Variants in DLGAP2 observed in about 807,000 individuals in gnomAD.
DLGAP2 encodes the protein disks large-associated protein 2.
Under a neutral mutation model 100.3 loss-of-function variants are expected in DLGAP2, and 26 were observed. The ratio of observed to expected loss-of-function variants is 0.26; its 90% CI spans 0.19 to 0.36. DLGAP2 has a LOEUF of 0.36. Ranked by LOEUF, DLGAP2 falls within the 10% of genes least tolerant of loss-of-function variation. The probability of loss-of-function intolerance (pLI) is 1.00; values close to 1 mark genes in which losing one functional copy is unlikely to be tolerated. For missense variants in DLGAP2, 1,858 were observed against 1,453.2 expected (o/e 1.28, Z -4.53); for synonymous variants, 886 against 630.1 (o/e 1.41, Z -6.08).
At chr8:872,861 A>G (rs1585957970) in intron 1 of DLGAP2, among the ~76,000 whole-genome samples, 2 of 152,110 alleles carry the variant, frequency 1.3e-5, no homozygotes, top group South Asian at 2.1e-4. Context: ...TCAGTCCTCA[A>G]TATCCAGGGT....
At chr8:1,483,369 T>C (rs1799150684) in intron 3 of DLGAP2, among the ~76,000 whole-genome samples, 1 of 151,702 alleles carries the variant, frequency 6.6e-6, no homozygotes, top group Non-Finnish European at 1.5e-5. Context: ...GTTTCCAGAG[T>C]CTCCAGGCGC....
intron 2 of DLGAP2, among the ~76,000 whole-genome samples, chr8:1,190,984 G>A (rs1041419054): frequency 6.6e-6 from 1 of 152,136 alleles, no homozygotes; most frequent in Non-Finnish European, 1.5e-5. Flanking sequence ...GTGAGGCTTG[G>A]ACCAATTCCT....
intron 2 of DLGAP2, among the ~76,000 whole-genome samples, chr8:1,127,741 A>G (rs1027607842): frequency 2.0e-5 from 3 of 152,156 alleles, no homozygotes; most frequent in Non-Finnish European, 1.5e-5. Flanking sequence ...AGAAAACACT[A>G]AGGCCCAGAG....
intron 3 of DLGAP2, among the ~76,000 whole-genome samples, chr8:1,279,223 G>A (rs994405635): frequency 2.0e-5 from 3 of 152,142 alleles, no homozygotes; most frequent in Non-Finnish European, 2.9e-5. Flanking sequence ...TAAGAACAGC[G>A]CTAAAGTCCT....
At position 958,169 on chromosome 8, in the gene DLGAP2, CATG is replaced by C. The variant is rs2129009284; in HGVS notation, c.73+50207_73+50209del. 2.0e-5 allele frequency among the ~76,000 whole-genome samples: 3 copies of C among 152,278 alleles called. 1 individual carries two copies. In the South Asian group the frequency reaches 6.2e-4, roughly 32 times the overall value. ...TGTTGATCTGGCTTATTTCAGTTAG[CATG>C]ATGTTTTCAAGATTCATTTATGTGG... On this transcript the variant is annotated intron_variant, in intron 2 of 14. Coordinates refer to ENST00000637795, the MANE Select transcript of DLGAP2 (RefSeq NM_001346810.2).
At chr8:1,359,468 C>T (rs988748197) in intron 3 of DLGAP2, among the ~76,000 whole-genome samples, 2 of 152,230 alleles carry the variant, frequency 1.3e-5, no homozygotes, top group African/African-American at 2.4e-5. Flanking sequence ...CGTGGGGACA[C>T]GGGTGGTGCA....
At chr8:1,470,751 C>CCTTTCCCGACCCCTCCAGGCTTT (rs879306135) in intron 3 of DLGAP2, among the ~76,000 whole-genome samples, 129 of 93,010 alleles carry the variant, frequency 1.4e-3, no homozygotes, top group Non-Finnish European at 2.1e-3. Context: ...CCGACTCCTT[C>CCTTTCCCGACCCCTCCAGGCTTT]CCCGACTCCT....
intron 5 of DLGAP2, among the ~76,000 whole-genome samples, chr8:1,552,856 G>T (rs967833610): frequency 6.6e-6 from 1 of 152,148 alleles, no homozygotes; most frequent in African/African-American, 2.4e-5. Flanking sequence ...AGGTCAAAAC[G>T]GAGAATAAGT....
chr8:1,096,604 T>C (rs1396816846), intron 2 of DLGAP2, among the ~76,000 whole-genome samples: 3 of 151,426 alleles, frequency 2.0e-5, no homozygotes, highest in Non-Finnish European at 4.4e-5. Flanking sequence ...CTCTGTGGCA[T>C]AGAGAGGACC....
intron 2 of DLGAP2, among the ~76,000 whole-genome samples, chr8:944,987 G>C (rs1219458764): frequency 6.6e-6 from 1 of 152,128 alleles, no homozygotes; most frequent in Non-Finnish European, 1.5e-5. Flanking sequence ...AGTGATAGTT[G>C]GTCACTTCTG....
chr8:955,587 C>T (rs958281768), intron 2 of DLGAP2, among the ~76,000 whole-genome samples: 6 of 152,178 alleles, frequency 3.9e-5, no homozygotes, highest in African/African-American at 1.2e-4. Context: ...GGATGTTACT[C>T]ATTTATAATA....
intron 4 of DLGAP2, among the ~76,000 whole-genome samples, chr8:1,519,384 A>C (rs1358304492): frequency 6.6e-6 from 1 of 152,182 alleles, no homozygotes; most frequent in African/African-American, 2.4e-5. Flanking sequence ...CCCGAAATTC[A>C]GTGTTTTGCA....
At chr8:1,175,915 C>G (rs1291001607) in intron 2 of DLGAP2, among the ~76,000 whole-genome samples, 2 of 152,224 alleles carry the variant, frequency 1.3e-5, no homozygotes, top group African/African-American at 2.4e-5. Context: ...CGCATCCTCC[C>G]TCTCGGCTTT....
chr8:1,150,354 A>C (rs868829453), intron 2 of DLGAP2, among the ~76,000 whole-genome samples: 1 of 152,262 alleles, frequency 6.6e-6, no homozygotes, highest in Middle Eastern at 3.4e-3. Flanking sequence ...TCATTGCTTA[A>C]ATCTTACGTT....
chr8:1,593,419 C>T (rs1487030680), intron 6 of DLGAP2, among the ~76,000 whole-genome samples: 3 of 151,790 alleles, frequency 2.0e-5, no homozygotes, highest in Non-Finnish European at 4.4e-5. Context: ...CGCGCCACTG[C>T]ACTCCAGCCT....
At chr8:1,153,735 G>T (rs1254039473) in intron 2 of DLGAP2, among the ~76,000 whole-genome samples, 1 of 151,990 alleles carries the variant, frequency 6.6e-6, no homozygotes, top group African/African-American at 2.4e-5. Flanking sequence ...AATGTCATTA[G>T]CTCTGCTTAG....
chr8:1,575,564 A>G (rs1166981027), intron 6 of DLGAP2, among the ~76,000 whole-genome samples: 1 of 149,466 alleles, frequency 6.7e-6, no homozygotes, highest in Non-Finnish European at 1.5e-5. Flanking sequence ...GGTGTGCTGT[A>G]CCCATTAACT....
At chr8:1,169,450 T>C (rs1479361526) in intron 2 of DLGAP2, among the ~76,000 whole-genome samples, 1 of 152,214 alleles carries the variant, frequency 6.6e-6, no homozygotes, top group East Asian at 1.9e-4. Context: ...GGGATGGCAT[T>C]GAATCTATCA....
intron 2 of DLGAP2, among the ~76,000 whole-genome samples, chr8:1,007,269 T>C (rs6994797): frequency 0.72 from 109,842 of 152,126 alleles, 40,140 homozygotes; most frequent in Non-Finnish European, 0.76. Context: ...GGGTTGTCTC[T>C]GTGACTGCTG....
Sources: gnomAD v4.1 joint callset for allele counts (sites outside exome capture counted in the v4.1 genomes callset) on GRCh38, gnomAD v4.1.1 for gene constraint, MANE v1.5 for transcripts, NCBI Gene and HGNC (gene_info 2026-07-23, HGNC 2026-07-21) for gene names.